The following RGL3 variants were observed in gnomAD, a reference collection of about 807,000 sequenced individuals.
The protein encoded by RGL3 is ral guanine nucleotide dissociation stimulator like 3.
A neutral mutation model predicts 90.6 loss-of-function variants in RGL3; 85 were observed. The ratio of observed to expected loss-of-function variants is 0.94; its 90% CI spans 0.79 to 1.12. The LOEUF (loss-of-function observed/expected upper bound fraction) is 1.12, where lower values mean the gene tolerates loss of function less well. RGL3 is among the 50% of genes most tolerant of loss of function. RGL3 has a pLI of 0.00. For synonymous variants in RGL3, 408 were observed against 385.5 expected (o/e 1.06, Z -0.68); for missense variants, 1,034 against 939.2 (o/e 1.10, Z -1.32).
At chr19:11,397,410 G>A (rs1599428773) in intron 17 of RGL3, 35 bp downstream of exon 17, 5 of 1,587,982 alleles carry the variant, frequency 3.1e-6, no homozygotes, top group Non-Finnish European at 4.3e-6. Flanking sequence ...CAAGGGCAGG[G>A]CAGCCTCCAG....
chr19:11,406,491 G>A lies in RGL3; in HGVS notation c.924C>T (p.Ser308=), dbSNP rs369692839. The change falls in exon 7 of 19, where the codon TCC becomes TCT. Residue 308 remains serine (S), a synonymous_variant. Transcript: ENST00000380456. The part of the protein sequence containing the change: ...FNTVTGCVLG[S]VLGAPGLAAP... Reference sequence around the variant, plus strand: ...CGGCCAAGCCCGGTGCTCCGAGCACGGAACCCAGCACACAGCCGGTCACGG... The same window carrying A: ...CGGCCAAGCCCGGTGCTCCGAGCACAGAACCCAGCACACAGCCGGTCACGG... 5 of 1,555,090 alleles carry A rather than the reference G, an allele frequency of 3.2e-6. No homozygotes were observed. In the African/African-American group the frequency reaches 6.8e-5, roughly 21 times the overall value.
At chr19:11,415,636 C>T (rs897136062) in intron 5 of RGL3, among the ~76,000 whole-genome samples, 12 of 152,026 alleles carry the variant, frequency 7.9e-5, no homozygotes, top group African/African-American at 2.2e-4. Context: ...CCACCACGCC[C>T]GGCTAATTTT....
At chr19:11,412,508 T>C (rs1371667949) in intron 5 of RGL3, among the ~76,000 whole-genome samples, 2 of 152,100 alleles carry the variant, frequency 1.3e-5, no homozygotes, top group African/African-American at 4.8e-5. Context: ...GAACCCAAAA[T>C]AAAGTTGTTA....
chr19:11,418,765 C>G lies in RGL3; in HGVS notation c.53G>C (p.Gly18Ala), dbSNP rs760299838. The change falls in exon 2 of 19, where the codon GGT becomes GCT. Residue 18 changes from glycine to alanine, a missense_variant. Transcript: ENST00000380456. ...CACCGCGCCGTCCTCGGTCTCTTCACCCCAGTCCTGCAGCGGTGCCTGGAC... is the reference window on the plus strand; with the variant it reads ...CACCGCGCCGTCCTCGGTCTCTTCAGCCCAGTCCTGCAGCGGTGCCTGGAC... Reference protein sequence around the residue: ...ELALAPLQDWGEETEDGAVYS... With the variant: ...ELALAPLQDWAEETEDGAVYS... The G allele has an allele frequency of 3.3e-5, 51 of 1,562,986 alleles. No individual in the cohort carries two copies. The highest frequency in any genetic ancestry group is 4.4e-5 in the Non-Finnish European group (51 of 1,158,068).
chr19:11,418,830 G>T (rs1217146298), intron 1 of RGL3, 46 bp from the exon 2 acceptor site: 1 of 1,465,140 alleles, frequency 6.8e-7, no homozygotes, highest in African/African-American at 1.4e-5. Flanking sequence ...CACAGGTCCT[G>T]GGGCCTCAGC....
rs1297228212 is a variant in RGL3 at position 11,406,587 on chromosome 19, C to T, written c.828G>A (p.Trp276Ter). The T allele has an allele frequency of 1.2e-5, 18 of 1,552,334 alleles. No individual in the cohort carries two copies. The highest frequency in any genetic ancestry group is 1.5e-5 in the Non-Finnish European group (17 of 1,148,248). The change falls in exon 7 of 19, where the codon TGG becomes TGA. Residue 276 changes from tryptophan to a stop codon, truncating the protein, a stop_gained. Transcript: ENST00000380456. LOFTEE classifies it high-confidence loss of function. ...VRLYECLGSVWSQRDRPGAAG... is the reference protein window; with the variant it reads ...VRLYECLGSV ...CAGCCCCCGGCCGGTCCCTCTGCGACCACACGGAGCCCAAGCACTCGTAGA... is the reference window on the plus strand; with the variant it reads ...CAGCCCCCGGCCGGTCCCTCTGCGATCACACGGAGCCCAAGCACTCGTAGA...
chr19:11,406,417 A>C lies in RGL3; in HGVS notation c.996+2T>G. 1 of 1,533,716 alleles carries C rather than the reference A, an allele frequency of 6.5e-7. No individual in the cohort carries two copies. The highest frequency in any genetic ancestry group is 8.7e-7 in the Non-Finnish European group (1 of 1,144,920). ...CATCCCCTCTCCGCGCCCGCAACAC[A>C]CCTGGGCGATGCGGATCCACTTCTC... On this transcript the variant is annotated splice_donor_variant, in intron 7 of 18. Transcript: ENST00000380456. LOFTEE classifies it high-confidence loss of function.
intron 16 of RGL3, among the ~76,000 whole-genome samples, 184 bp downstream of exon 16, chr19:11,399,671 C>A (rs567384193): frequency 6.6e-6 from 1 of 152,196 alleles, no homozygotes; most frequent in Admixed American, 6.6e-5. Context: ...TGAGTGATCA[C>A]CCAAACAGGG....
chr19:11,405,718 C>T (rs1441893298), intron 7 of RGL3, among the ~76,000 whole-genome samples: 1 of 148,840 alleles, frequency 6.7e-6, no homozygotes, highest in Admixed American at 6.8e-5. Context: ...ATTATTTGGA[C>T]AGAGTCTCGC....
In RGL3 at chr19:11,402,502, G is replaced by A; in HGVS notation, c.1282C>T (p.Leu428Phe). 3.1e-6 allele frequency: 5 copies of A among 1,605,356 alleles called. No homozygotes were observed. The highest frequency in any genetic ancestry group is 1.7e-4 in the Middle Eastern group (1 of 6,000). Residue 428 changes from leucine to phenylalanine, a missense_variant, in exon 11 of 19, where the codon CTT becomes TTT. By Grantham distance (22) the Leu-to-Phe change is conservative (BLOSUM62 0). Transcript: ENST00000380456. ...GTGTCCAGCATAACCAGGTCCGTAA[G>A]GAAGGTGCCAAGGTAGGGGACAGGG... ...PGPVPYLGTF[L>F]TDLVMLDTAL...
intron 2 of RGL3, among the ~76,000 whole-genome samples, chr19:11,417,766 C>T (rs992484771): frequency 6.6e-6 from 1 of 152,032 alleles, no homozygotes; most frequent in Non-Finnish European, 1.5e-5. Context: ...CACCTCGCCC[C>T]GCCTGTAGCA....
Position 11,418,800 on chromosome 19 carries a change from G to T in RGL3, c.34-16C>A, listed in dbSNP as rs1158075430. 3.3e-6 allele frequency: 5 copies of T among 1,533,368 alleles called. No individual in the cohort carries two copies. The highest frequency in any genetic ancestry group is 2.0e-5 in the Admixed American group (1 of 50,312). 95.0% of individuals were successfully genotyped at this position (1,533,368 alleles called of 1,614,324 possible). A position where few individuals can be genotyped will look rare whatever the true frequency, so the allele number is the denominator to read the frequency against. The stretch of plus-strand genomic sequence containing the variant: ...GCAGCGGTGCCTGGACGCACAGGCG[G>T]ACTCAGGGCACCAAAGGGGCACAGG... On this transcript the variant is annotated splice_polypyrimidine_tract_variant and intron_variant, in intron 1 of 18. Coordinates refer to ENST00000380456, the MANE Select transcript of RGL3 (RefSeq NM_001035223.4).
At chr19:11,399,188 C>T (rs1206502232) in intron 16 of RGL3, among the ~76,000 whole-genome samples, 1 of 152,170 alleles carries the variant, frequency 6.6e-6, no homozygotes, top group East Asian at 1.9e-4. Flanking sequence ...AATCCTCCCA[C>T]TTTGGCTTCC....
At chr19:11,395,519 C>T (rs992903479) in intron 18 of RGL3, among the ~76,000 whole-genome samples, 13 of 152,202 alleles carry the variant, frequency 8.5e-5, no homozygotes, top group African/African-American at 2.9e-4. Context: ...AGCCCAGATG[C>T]CCTTTAGTCT....
chr19:11,414,492 T>TATATATATATATATATATATACACCTTC (rs1968950963), intron 5 of RGL3, among the ~76,000 whole-genome samples: 1 of 13,586 alleles, frequency 7.4e-5, no homozygotes, highest in East Asian at 5.0e-3. Context: ...TACACCTTCA[T>TATATATATATATATATATATACACCTTC]ATATATATAT....
Position 11,417,064 on chromosome 19 carries a change from A to G in RGL3, c.148-5T>C, listed in dbSNP as rs201211777. 76 of 1,583,136 alleles carry G rather than the reference A, an allele frequency of 4.8e-5. No homozygotes were observed. In the East Asian group the frequency reaches 1.3e-3, roughly 28 times the overall value. Reference sequence around the variant, plus strand: ...ATTGGCAATGGGGCTGGGAGCCTGCAGGAGGGGAGAGGTGGCCATGAGAGA... The same window carrying G: ...ATTGGCAATGGGGCTGGGAGCCTGCGGGAGGGGAGAGGTGGCCATGAGAGA... On this transcript the variant is annotated splice_region_variant and splice_polypyrimidine_tract_variant and intron_variant, in intron 2 of 18. Coordinates refer to ENST00000380456, the MANE Select transcript of RGL3 (RefSeq NM_001035223.4).
In RGL3 at chr19:11,418,783, G is replaced by A; in HGVS notation, c.35C>T (p.Ala12Val). The A allele has an allele frequency of 6.5e-7, 1 of 1,543,990 alleles. No individual in the cohort carries two copies. ...CTCTTCACCCCAGTCCTGCAGCGGT[G>A]CCTGGACGCACAGGCGGACTCAGGG... Reference protein sequence around the residue: ...ERTAGKELALAPLQDWGEETE... With the variant: ...ERTAGKELALVPLQDWGEETE... Residue 12 changes from alanine to valine, a missense_variant and splice_region_variant, in exon 2 of 19, where the codon GCA becomes GTA. Transcript: ENST00000380456.
intron 8 of RGL3, 41 bp downstream of exon 8, chr19:11,405,282 G>A (rs1968752281): frequency 6.2e-7 from 1 of 1,612,110 alleles, no homozygotes; most frequent in African/African-American, 1.3e-5. Flanking sequence ...GGGAGGGTCA[G>A]ACCTGGGATG....
chr19:11,418,321 C>T (rs1969039611), intron 2 of RGL3, among the ~76,000 whole-genome samples: 1 of 147,888 alleles, frequency 6.8e-6, no homozygotes, highest in Non-Finnish European at 1.5e-5. Flanking sequence ...ACTGGCTGCC[C>T]CATCCGCCCT....
Sources: gnomAD v4.1 joint callset for allele counts (sites outside exome capture counted in the v4.1 genomes callset) on GRCh38, gnomAD v4.1.1 for gene constraint, MANE v1.5 for transcripts, NCBI Gene and HGNC (gene_info 2026-07-23, HGNC 2026-07-21) for gene names.